The following EPHA6 variants were observed in gnomAD, a reference collection of about 807,000 sequenced individuals.
EPHA6 encodes the protein EPH receptor A6, also known as ephrin type-A receptor 6.
A neutral mutation model predicts 112.0 loss-of-function variants in EPHA6; 50 were observed. The observed-to-expected ratio is 0.45, with a 90% CI of 0.36 to 0.56. The LOEUF (loss-of-function observed/expected upper bound fraction) is 0.56. Ranked by LOEUF, EPHA6 falls within the 20% of genes least tolerant of loss-of-function variation. EPHA6 has a pLI of 0.00. For missense variants in EPHA6, 1,280 were observed against 1,417.4 expected (o/e 0.90, Z 1.56); for synonymous variants, 529 against 490.7 (o/e 1.08, Z -1.03).
At chr3:97,333,477 T>C (rs2082904937) in intron 5 of EPHA6, among the ~76,000 whole-genome samples, 2 of 141,500 alleles carry the variant, frequency 1.4e-5, no homozygotes, top group South Asian at 2.3e-4. Context: ...TCTTTTTTTT[T>C]TTTTTTTTTT....
chr3:97,160,463 A>C (rs1353055031), intron 3 of EPHA6, among the ~76,000 whole-genome samples: 12 of 151,694 alleles, frequency 7.9e-5, no homozygotes, highest in Admixed American at 7.9e-4. Flanking sequence ...TATTTTTAGT[A>C]GAGACAGGGT....
intron 3 of EPHA6, among the ~76,000 whole-genome samples, chr3:97,192,928 T>C (rs534577463): frequency 6.6e-6 from 1 of 152,252 alleles, no homozygotes; most frequent in Non-Finnish European, 1.5e-5. Context: ...TTGGCACCTT[T>C]GTTGAAAATG....
intron 2 of EPHA6, among the ~76,000 whole-genome samples, chr3:96,979,524 C>A (rs1405184577): frequency 6.6e-6 from 1 of 151,996 alleles, no homozygotes; most frequent in Non-Finnish European, 1.5e-5. Context: ...TGTGCATGTG[C>A]CTTTATAGCA....
Position 97,592,682 on chromosome 3 carries a change from C to T in EPHA6, c.2457C>T (p.Ile819=), listed in dbSNP as rs565010634. Residue 819 remains isoleucine (I), a synonymous_variant, in exon 12 of 18, where the codon ATC becomes ATT. Transcript: ENST00000389672. ...TGAGGGCAGGGTTTTTAAATAGCAT[C>T]CAGGCCCCGCATCCAGTGCCAGGGG... ...SFLRAGFLNS[I]QAPHPVPGGG... 13 of 1,612,354 alleles carry T rather than the reference C, an allele frequency of 8.1e-6. No homozygotes were observed. In the South Asian group the frequency reaches 1.3e-4, roughly 16 times the overall value.
At chr3:97,161,510 C>A (rs2076414972) in intron 3 of EPHA6, among the ~76,000 whole-genome samples, 1 of 152,146 alleles carries the variant, frequency 6.6e-6, no homozygotes, top group Non-Finnish European at 1.5e-5. Flanking sequence ...TGGCTCCACT[C>A]AAAATTAGTG....
At chr3:97,140,352 C>T (rs2075868317) in intron 3 of EPHA6, among the ~76,000 whole-genome samples, 1 of 152,002 alleles carries the variant, frequency 6.6e-6, no homozygotes, top group African/African-American at 2.4e-5. Context: ...ATGGAAGATA[C>T]TTTATAAGAT....
intron 1 of EPHA6, among the ~76,000 whole-genome samples, chr3:96,839,016 A>G (rs760995648): frequency 1.3e-5 from 2 of 152,112 alleles, no homozygotes; most frequent in Non-Finnish European, 2.9e-5. Flanking sequence ...CTACACTGAC[A>G]TTAGTCTGTA....
At chr3:97,603,899 C>A (rs183113001) in intron 12 of EPHA6, among the ~76,000 whole-genome samples, 103 of 151,938 alleles carry the variant, frequency 6.8e-4, no homozygotes, top group Admixed American at 2.4e-3. Context: ...TGACACTAGT[C>A]ATTTTACTAA....
chr3:97,139,042 C>T (rs2075831395), intron 3 of EPHA6, among the ~76,000 whole-genome samples: 1 of 152,138 alleles, frequency 6.6e-6, no homozygotes, highest in Admixed American at 6.5e-5. Context: ...GAGGGTTGCC[C>T]AAGTGGCCTG....
intron 1 of EPHA6, among the ~76,000 whole-genome samples, chr3:96,864,330 CA>C: frequency 6.6e-6 from 1 of 152,126 alleles, no homozygotes; most frequent in South Asian, 2.1e-4. Context: ...AGATGTCCAT[CA>C]ACTAGGGAAT....
chr3:97,374,917 A>G (rs901630084), intron 5 of EPHA6, among the ~76,000 whole-genome samples: 1 of 152,160 alleles, frequency 6.6e-6, no homozygotes, highest in African/African-American at 2.4e-5. Flanking sequence ...TGGGGTTTGA[A>G]GAATTTTCAT....
At chr3:96,893,986 T>C (rs2038124093) in intron 2 of EPHA6, among the ~76,000 whole-genome samples, 1 of 152,078 alleles carries the variant, frequency 6.6e-6, no homozygotes, top group South Asian at 2.1e-4. Context: ...TCATAGAAAA[T>C]CTCCAATATG....
In EPHA6 at chr3:96,945,298, T is replaced by A. The variant is rs143587956; in HGVS notation, c.451-42032T>A. ...AATAGTCTGTTTTCCTGTATAGACCTGTGCTGTTCAAAACGGAACTCCAGA... is the reference window on the plus strand; with the variant it reads ...AATAGTCTGTTTTCCTGTATAGACCAGTGCTGTTCAAAACGGAACTCCAGA... On this transcript the variant is annotated intron_variant, in intron 2 of 17. Coordinates refer to ENST00000389672, the MANE Select transcript of EPHA6 (RefSeq NM_001080448.3). 3.0e-3 allele frequency among the ~76,000 whole-genome samples: 452 copies of A among 152,308 alleles called. 4 individuals are homozygous for A. The highest frequency in any genetic ancestry group is 1.0e-2 in the African/African-American group (414 of 41,574).
intron 5 of EPHA6, among the ~76,000 whole-genome samples, chr3:97,258,119 C>G (rs985788402): frequency 2.6e-5 from 4 of 151,964 alleles, no homozygotes; most frequent in African/African-American, 9.7e-5. Flanking sequence ...AATTGTATGT[C>G]AATATTTTCT....
chr3:96,918,742 T>A (rs1266877443), intron 2 of EPHA6, among the ~76,000 whole-genome samples: 1 of 151,984 alleles, frequency 6.6e-6, no homozygotes, highest in Non-Finnish European at 1.5e-5. Context: ...TTTAAATGCT[T>A]GAGGTATGTG....
At chr3:97,728,686 G>A (rs2034892989) in intron 15 of EPHA6, among the ~76,000 whole-genome samples, 1 of 152,128 alleles carries the variant, frequency 6.6e-6, no homozygotes, top group Non-Finnish European at 1.5e-5. Context: ...ACAGAGTCCA[G>A]TCCTCTTTCC....
intron 2 of EPHA6, among the ~76,000 whole-genome samples, chr3:96,944,255 T>G (rs1245476148): frequency 1.3e-5 from 2 of 152,232 alleles, no homozygotes. Flanking sequence ...CTTACATGAT[T>G]TATCAGCAGC....
intron 11 of EPHA6, among the ~76,000 whole-genome samples, chr3:97,576,285 C>A (rs2093383764): frequency 7.7e-6 from 1 of 130,164 alleles, no homozygotes; most frequent in African/African-American, 4.1e-5. Context: ...GTTGTTTATT[C>A]ATTTTTTTTC....
At chr3:96,853,722 AT>A (rs898671239) in intron 1 of EPHA6, among the ~76,000 whole-genome samples, 23 of 150,180 alleles carry the variant, frequency 1.5e-4, no homozygotes, top group Middle Eastern at 6.8e-3. Flanking sequence ...CCTTTTAATC[AT>A]TTTTTTTTCC....
Sources: allele counts gnomAD v4.1 joint callset (sites outside exome capture counted in the v4.1 genomes callset), GRCh38; gene constraint gnomAD v4.1.1; transcripts MANE v1.5; gene names NCBI Gene and HGNC (gene_info 2026-07-23, HGNC 2026-07-21).